IMMP2L: variants seen among roughly 807,000 people sequenced by gnomAD.
IMMP2L encodes the protein mitochondrial inner membrane protease subunit 2.
IMMP2L carries 18 observed loss-of-function variants against 19.3 expected under a neutral mutation model. The ratio of observed to expected loss-of-function variants is 0.93; its 90% CI spans 0.64 to 1.38. The LOEUF (loss-of-function observed/expected upper bound fraction) is 1.38, where lower values mean the gene tolerates loss of function less well. Among genes scored for constraint, IMMP2L ranks in the 40% most tolerant of loss-of-function variants. The pLI is 0.00. For missense variants in IMMP2L, 233 were observed against 218.2 expected, an observed-to-expected ratio of 1.07 and a Z score of -0.43; for synonymous variants, 76 against 73.0, an observed-to-expected ratio of 1.04 and a Z score of -0.21.
intron 3 of IMMP2L, among the ~76,000 whole-genome samples, chr7:111,417,943 C>A (rs1252843422): frequency 4.0e-5 from 6 of 151,764 alleles, no homozygotes; most frequent in Non-Finnish European, 8.8e-5. Context: ...ACAGTTTATA[C>A]AGCTCAATTA....
intron 3 of IMMP2L, among the ~76,000 whole-genome samples, chr7:111,414,826 T>C (rs1429740283): frequency 2.0e-5 from 3 of 151,914 alleles, no homozygotes; most frequent in East Asian, 1.9e-4. Flanking sequence ...CTATTAATTT[T>C]TAAAAAAACA....
At chr7:111,357,428 T>C (rs773445687) in intron 3 of IMMP2L, among the ~76,000 whole-genome samples, 6 of 152,108 alleles carry the variant, frequency 3.9e-5, no homozygotes, top group East Asian at 1.9e-4. Context: ...CAAATGACCA[T>C]GAAATTAAGT....
intron 5 of IMMP2L, among the ~76,000 whole-genome samples, chr7:110,723,363 TC>T (rs1206318763): frequency 2.0e-5 from 3 of 152,204 alleles, no homozygotes; most frequent in Non-Finnish European, 4.4e-5. Context: ...AAGCTTTTGA[TC>T]CTCCAGTTGA....
chr7:111,555,099 C>T (rs1398521784), intron 1 of IMMP2L, among the ~76,000 whole-genome samples: 1 of 152,074 alleles, frequency 6.6e-6, no homozygotes, highest in Non-Finnish European at 1.5e-5. Context: ...ATCCTTCCTG[C>T]CATATATATC....
chr7:110,987,001 T>C (rs1005703906), intron 3 of IMMP2L, among the ~76,000 whole-genome samples: 3 of 152,118 alleles, frequency 2.0e-5, no homozygotes, highest in Admixed American at 2.0e-4. Flanking sequence ...CTCACCGAAA[T>C]AGTAAAAAAT....
At chr7:111,353,047 C>T (rs1828338333) in intron 3 of IMMP2L, among the ~76,000 whole-genome samples, 1 of 152,138 alleles carries the variant, frequency 6.6e-6, no homozygotes, top group African/African-American at 2.4e-5. Flanking sequence ...CCATCTCCAT[C>T]TAAGTGATAC....
At chr7:111,302,173 T>C (rs1822327369) in intron 3 of IMMP2L, among the ~76,000 whole-genome samples, 1 of 152,034 alleles carries the variant, frequency 6.6e-6, no homozygotes, top group South Asian at 2.1e-4. Flanking sequence ...TAGTTCTCTG[T>C]CATCAGTTCT....
chr7:110,985,991 A>G (rs1438950305), intron 3 of IMMP2L, among the ~76,000 whole-genome samples: 1 of 152,168 alleles, frequency 6.6e-6, no homozygotes, highest in East Asian at 1.9e-4. Context: ...AAATAAAAGA[A>G]AATTATTCCA....
chr7:111,259,639 A>C (rs1817097753), intron 3 of IMMP2L, among the ~76,000 whole-genome samples: 1 of 126,626 alleles, frequency 7.9e-6, no homozygotes, highest in African/African-American at 3.1e-5. Flanking sequence ...CTGTCCCTAA[A>C]AAATAATTTT....
intron 3 of IMMP2L, among the ~76,000 whole-genome samples, chr7:111,453,076 G>A (rs1002292049): frequency 2.0e-5 from 3 of 152,042 alleles, no homozygotes; most frequent in Non-Finnish European, 2.9e-5. Context: ...ATGTTGTTCC[G>A]ATTCTAATTG....
chr7:111,262,394 T>C (rs1307779342), intron 3 of IMMP2L, among the ~76,000 whole-genome samples: 1 of 152,056 alleles, frequency 6.6e-6, no homozygotes, highest in East Asian at 1.9e-4. Flanking sequence ...TGAGAAGATC[T>C]AAGTCCAGAG....
At chr7:111,231,620 C>A (rs1256467722) in intron 3 of IMMP2L, among the ~76,000 whole-genome samples, 4 of 151,732 alleles carry the variant, frequency 2.6e-5, no homozygotes, top group Non-Finnish European at 4.4e-5. Flanking sequence ...CAATGTAAAT[C>A]CCATGAGATA....
chr7:110,973,987 T>C (rs939889136), intron 3 of IMMP2L, among the ~76,000 whole-genome samples: 1 of 152,126 alleles, frequency 6.6e-6, no homozygotes. Flanking sequence ...TGGGTCCTGA[T>C]AGCTATGTGG....
chr7:110,907,512 C>T (rs116062567), intron 4 of IMMP2L, among the ~76,000 whole-genome samples: 1,559 of 150,890 alleles, frequency 0.01, 27 homozygotes, highest in African/African-American at 0.036. Flanking sequence ...GGGGATGGGG[C>T]GGGCCATGGG....
chr7:111,505,826 G>T (rs141506405), intron 2 of IMMP2L, among the ~76,000 whole-genome samples: 8 of 152,096 alleles, frequency 5.3e-5, no homozygotes, highest in South Asian at 2.1e-4. Context: ...GTTGTGGGGT[G>T]GGGGGAGCGG....
chr7:111,525,789 TCA>T (rs1417604247), intron 1 of IMMP2L, among the ~76,000 whole-genome samples: 2 of 152,108 alleles, frequency 1.3e-5, no homozygotes, highest in African/African-American at 4.8e-5. Context: ...ATTCCATTCC[TCA>T]AACTTTTTTT....
At chr7:111,152,852 G>A (rs1804230612) in intron 3 of IMMP2L, among the ~76,000 whole-genome samples, 1 of 152,070 alleles carries the variant, frequency 6.6e-6, no homozygotes, top group East Asian at 1.9e-4. Context: ...AGAAGTAAAT[G>A]CCATTCTTCT....
chr7:111,122,601 A>T (rs796790494), intron 3 of IMMP2L: 1 of 596,664 alleles, frequency 1.7e-6, no homozygotes, highest in African/African-American at 1.9e-5. Flanking sequence ...TTTTTGGACA[A>T]TGCAATTGTG....
chr7:111,550,243 T>C (rs540440472), intron 1 of IMMP2L, among the ~76,000 whole-genome samples: 119 of 152,222 alleles, frequency 7.8e-4, no homozygotes, highest in African/African-American at 2.6e-3. Context: ...TATGACATTA[T>C]GGAAAAGGCA....
Sources: allele counts gnomAD v4.1 joint callset (sites outside exome capture counted in the v4.1 genomes callset), GRCh38; gene constraint gnomAD v4.1.1; transcripts MANE v1.5; gene names NCBI Gene and HGNC (gene_info 2026-07-23, HGNC 2026-07-21).